The following CCDC7 variants were observed in gnomAD, a reference collection of about 807,000 sequenced individuals.
CCDC7 encodes the protein coiled-coil domain containing 7, also known as coiled-coil domain-containing protein 7.
A neutral mutation model predicts 196.9 loss-of-function variants in CCDC7; 183 were observed. The observed-to-expected ratio is 0.93, with a 90% CI of 0.82 to 1.05. CCDC7 has a LOEUF of 1.05. Ranked by LOEUF, CCDC7 falls within the 50% of genes least tolerant of loss-of-function variation. The probability of loss-of-function intolerance (pLI) is 0.00; values close to 1 mark genes in which losing one functional copy is unlikely to be tolerated. For synonymous variants in CCDC7, 525 were observed against 484.6 expected (o/e 1.08, Z -1.10); for missense variants, 1,540 against 1,482.2 (o/e 1.04, Z -0.64).
At chr10:32,816,809 G>C (rs1326985050) in intron 31 of CCDC7, among the ~76,000 whole-genome samples, 1 of 151,962 alleles carries the variant, frequency 6.6e-6, no homozygotes, top group Admixed American at 6.6e-5. Context: ...CAAACACAAA[G>C]GACATCCACA....
chr10:32,475,486 A>G (rs2038801201), intron 8 of CCDC7, among the ~76,000 whole-genome samples: 1 of 152,266 alleles, frequency 6.6e-6, no homozygotes, highest in Non-Finnish European at 1.5e-5. Flanking sequence ...AATGGAATAC[A>G]TCTTCCAATC....
chr10:32,860,058 T>A (rs866977884), intron 41 of CCDC7, among the ~76,000 whole-genome samples: 7 of 152,188 alleles, frequency 4.6e-5, no homozygotes, highest in African/African-American at 1.4e-4. Flanking sequence ...CCCTAACTTA[T>A]TTTATGAGGC....
chr10:32,644,925 G>T (rs11009015), intron 20 of CCDC7, among the ~76,000 whole-genome samples: 1 of 152,158 alleles, frequency 6.6e-6, no homozygotes, highest in East Asian at 1.9e-4. Context: ...ATTCATTGCA[G>T]AACCATGAGC....
rs963394584 is a variant in CCDC7 at position 32,572,021 on chromosome 10, A to T, written c.1454+128A>T. The T allele has an allele frequency of 5.8e-6, 5 of 861,230 alleles. No individual in the cohort carries two copies. The African/African-American group carries it at 8.8e-5, about 15-fold the overall frequency. 53.3% of individuals were successfully genotyped at this position (861,230 alleles called of 1,614,324 possible). A position where few individuals can be genotyped will look rare whatever the true frequency, so the allele number is the denominator to read the frequency against. On this transcript the variant is annotated intron_variant, in intron 16 of 41. Transcript: ENST00000639629. ...CTTTGAAACTAATTTTAAGTAGAAA[A>T]TGTTAGAAACTTTAGATATCAAAGT...
intron 14 of CCDC7, among the ~76,000 whole-genome samples, chr10:32,566,894 A>G (rs2056881774): frequency 6.8e-6 from 1 of 147,274 alleles, no homozygotes; most frequent in Admixed American, 6.9e-5. Flanking sequence ...GCTAATATAT[A>G]TATTAGCTAT....
intron 16 of CCDC7, among the ~76,000 whole-genome samples, chr10:32,578,954 G>A (rs1203386041): frequency 6.6e-6 from 1 of 152,178 alleles, no homozygotes; most frequent in African/African-American, 2.4e-5. Context: ...ACAGTCATCA[G>A]TGTGATATAA....
At chr10:32,851,955 T>C in intron 40 of CCDC7, 23 bp downstream of exon 41, 1 of 1,567,030 alleles carries the variant, frequency 6.4e-7, no homozygotes, top group Middle Eastern at 1.7e-4. Flanking sequence ...ATTTTTAGTG[T>C]ACAGTGTGAT....
At chr10:32,543,104 A>G (rs941392159) in intron 11 of CCDC7, among the ~76,000 whole-genome samples, 196 bp from the exon 13 acceptor site, 1 of 152,194 alleles carries the variant, frequency 6.6e-6, no homozygotes, top group Admixed American at 6.5e-5. Context: ...GTTATATACA[A>G]CTTACACCAC....
chr10:32,866,145 A>G (rs1030053139), intron 41 of CCDC7, among the ~76,000 whole-genome samples: 1 of 151,878 alleles, frequency 6.6e-6, no homozygotes, highest in East Asian at 1.9e-4. Context: ...TGACATAAAT[A>G]GAAAATGCAA....
chr10:32,522,091 G>A (rs2047968296), intron 11 of CCDC7, among the ~76,000 whole-genome samples: 1 of 152,236 alleles, frequency 6.6e-6, no homozygotes, highest in South Asian at 2.1e-4. Flanking sequence ...GAGTTTTGTT[G>A]AGAATTCTTG....
Position 32,593,496 on chromosome 10 carries a change from G to A in CCDC7, c.1801+9192G>A, listed in dbSNP as rs544354054. 1.8e-4 allele frequency among the ~76,000 whole-genome samples: 28 copies of A among 152,282 alleles called. No individual in the cohort carries two copies. The South Asian group carries it at 5.6e-3, about 30-fold the overall frequency. On this transcript the variant is annotated intron_variant, in intron 18 of 41. Coordinates refer to ENST00000639629, the Ensembl canonical transcript of CCDC7. ...ATAAAAATTTTCTCCCATTCTGTAG[G>A]TTGCCTGTTCACTCTGATGATAGTT...
chr10:32,673,797 A>T (rs1448336071), intron 21 of CCDC7, among the ~76,000 whole-genome samples: 1 of 151,794 alleles, frequency 6.6e-6, no homozygotes, highest in Non-Finnish European at 1.5e-5. Flanking sequence ...TTTACTATTG[A>T]CCTTTTCAAG....
chr10:32,640,409 C>T (rs1396804490), intron 20 of CCDC7, among the ~76,000 whole-genome samples: 3 of 152,088 alleles, frequency 2.0e-5, no homozygotes, highest in South Asian at 2.1e-4. Context: ...TGTCTCTGCA[C>T]GTGAGATGGG....
At chr10:32,594,683 G>T (rs1320961400) in intron 18 of CCDC7, among the ~76,000 whole-genome samples, 3 of 152,118 alleles carry the variant, frequency 2.0e-5, no homozygotes, top group African/African-American at 7.2e-5. Context: ...ATTGGCTGTG[G>T]GTTTGTCATA....
chr10:32,596,962 G>A lies in CCDC7; in HGVS notation c.1801+12658G>A, dbSNP rs184239275. On this transcript the variant is annotated intron_variant, in intron 18 of 41. Coordinates refer to ENST00000639629, the Ensembl canonical transcript of CCDC7. The stretch of plus-strand genomic sequence containing the variant: ...TTCTGGCTGCCCTTAACATTTTTTT[G>A]TTTTTCATTTCAACGTTGGTGAATT... 3.4e-3 allele frequency among the ~76,000 whole-genome samples: 517 copies of A among 152,078 alleles called. 4 individuals carry two copies. Among genetic ancestry groups the A allele is most frequent in the Non-Finnish European group, 4.4e-3 (299 of 67,968 alleles).
At chr10:32,572,866 CTTTTTTTTTTTTT>C in intron 16 of CCDC7, among the ~76,000 whole-genome samples, 1 of 90,384 alleles carries the variant, frequency 1.1e-5, no homozygotes, top group East Asian at 3.8e-4. Context: ...AAGCATGGTG[CTTTTTTTTTTTTT>C]TTTTTTTTTT....
chr10:32,458,344 G>A (rs1243975637), intron 3 of CCDC7, among the ~76,000 whole-genome samples: 1 of 147,318 alleles, frequency 6.8e-6, no homozygotes, highest in Non-Finnish European at 1.5e-5. Flanking sequence ...TAAATAAGTG[G>A]ATTTATTTTT....
At chr10:32,705,177 G>T (rs1203325197) in intron 24 of CCDC7, among the ~76,000 whole-genome samples, 1 of 152,110 alleles carries the variant, frequency 6.6e-6, no homozygotes, top group African/African-American at 2.4e-5. Context: ...CATTCTTATA[G>T]AAAAGAATTT....
At chr10:32,742,157 T>A (rs1279582173) in intron 28 of CCDC7, among the ~76,000 whole-genome samples, 1 of 152,152 alleles carries the variant, frequency 6.6e-6, no homozygotes, top group Non-Finnish European at 1.5e-5. Flanking sequence ...TCTTTGAGAT[T>A]AAATATTCCA....
Sources: gnomAD v4.1 joint callset for allele counts (sites outside exome capture counted in the v4.1 genomes callset) on GRCh38, gnomAD v4.1.1 for gene constraint, MANE v1.5 for transcripts, NCBI Gene and HGNC (gene_info 2026-07-23, HGNC 2026-07-21) for gene names.